The following FBXW8 variants were observed in gnomAD, a reference collection of about 807,000 sequenced individuals.
The protein encoded by FBXW8 is F-box/WD repeat-containing protein 8.
A neutral mutation model predicts 65.3 loss-of-function variants in FBXW8; 57 were observed. The ratio of observed to expected loss-of-function variants is 0.87; its 90% CI spans 0.71 to 1.09. The LOEUF is 1.09. FBXW8 is among the 50% of genes least tolerant of loss of function. FBXW8 has a pLI of 0.00. For missense variants in FBXW8, 777 were observed against 814.8 expected (o/e 0.95, Z 0.57); for synonymous variants, 308 against 330.2 (o/e 0.93, Z 0.73).
chr12:117,008,529 C>T (rs1007861647), intron 7 of FBXW8, among the ~76,000 whole-genome samples: 2 of 152,124 alleles, frequency 1.3e-5, no homozygotes, highest in Admixed American at 1.3e-4. Flanking sequence ...TTGAAATTGT[C>T]CTTCTTCCTT....
chr12:116,995,213 A>C (rs922231387), intron 7 of FBXW8, among the ~76,000 whole-genome samples: 1 of 152,236 alleles, frequency 6.6e-6, no homozygotes, highest in African/African-American at 2.4e-5. Flanking sequence ...TCGGCAGCGT[A>C]CGCGGACATG....
rs1006431435 is a variant in FBXW8 at position 116,936,958 on chromosome 12, C to T, written c.424-8406C>T. Among the ~76,000 whole-genome samples, 9 of 152,038 alleles carry T rather than the reference C, an allele frequency of 5.9e-5. No homozygotes were observed. The highest frequency in any genetic ancestry group is 4.1e-4 in the South Asian group (2 of 4,824). On this transcript the variant is annotated intron_variant, in intron 2 of 10. Transcript: ENST00000652555. This position sits in a 1 kb window ranked among gnomAD's most constrained non-coding sequence, Gnocchi z 4.6. ...CCATTTGGGCTGCTGTGTGGAGAAT[C>T]GGTTGTTGGGGGACAAGGACAGCAG...
At chr12:116,986,257 G>A (rs1885666071) in intron 6 of FBXW8, 1 of 152,132 alleles carries the variant, frequency 6.6e-6, no homozygotes, top group Non-Finnish European at 1.5e-5. Flanking sequence ...TTCACCTCCA[G>A]GAGCGTCTGC....
At chr12:117,000,021 T>C (rs915532584) in intron 7 of FBXW8, among the ~76,000 whole-genome samples, 1 of 145,246 alleles carries the variant, frequency 6.9e-6, no homozygotes, top group African/African-American at 2.5e-5. Context: ...TCTCGCTGTC[T>C]CCCAGGCTGG....
intron 1 of FBXW8, among the ~76,000 whole-genome samples, chr12:116,925,924 C>G (rs1387228646): frequency 1.3e-5 from 2 of 152,144 alleles, no homozygotes; most frequent in Non-Finnish European, 2.9e-5. Context: ...AATCTTTGCT[C>G]TGAACCTCCA....
At chr12:116,949,232 G>T in intron 3 of FBXW8, 1 of 196,164 alleles carries the variant, frequency 5.1e-6, no homozygotes, top group East Asian at 1.2e-4. Flanking sequence ...CTTTCTTTTT[G>T]CTGAACGGAA....
chr12:116,964,936 G>C (rs911334745), intron 5 of FBXW8, 82 bp downstream of exon 5: 14 of 1,419,080 alleles, frequency 9.9e-6, no homozygotes, highest in Non-Finnish European at 1.3e-5. Context: ...GCTCCCCCCT[G>C]TAATCCCTCC....
At chr12:117,013,687 TAA>T (rs1219485229) in intron 8 of FBXW8, among the ~76,000 whole-genome samples, 8 of 152,204 alleles carry the variant, frequency 5.3e-5, no homozygotes, top group Non-Finnish European at 7.3e-5. Context: ...GCAGCATTTT[TAA>T]AAGTTACACA....
At chr12:116,975,078 A>G (rs984984321) in intron 5 of FBXW8, among the ~76,000 whole-genome samples, 8 of 152,348 alleles carry the variant, frequency 5.3e-5, no homozygotes, top group African/African-American at 1.9e-4. Flanking sequence ...ACTTGAATAA[A>G]TAAAGGAGAA....
intron 5 of FBXW8, chr12:116,978,668 C>A (rs1244055036): frequency 6.6e-6 from 1 of 152,142 alleles, no homozygotes; most frequent in African/African-American, 2.4e-5. Flanking sequence ...GAAATAATTT[C>A]TAATCAAGAA....
chr12:116,952,543 G>A (rs116840101), intron 4 of FBXW8, among the ~76,000 whole-genome samples: 1,885 of 152,226 alleles, frequency 0.012, 28 homozygotes, highest in African/African-American at 0.041. Context: ...CTGTAGCCTA[G>A]CGTCCATTCT....
chr12:117,011,850 T>C (rs1297867788), intron 8 of FBXW8, among the ~76,000 whole-genome samples: 2 of 152,172 alleles, frequency 1.3e-5, no homozygotes, highest in Non-Finnish European at 2.9e-5. Context: ...GTTTTCTGCA[T>C]AATTTCAAAA....
At chr12:117,016,968 T>C (rs1953966289) in intron 8 of FBXW8, among the ~76,000 whole-genome samples, 1 of 152,252 alleles carries the variant, frequency 6.6e-6, no homozygotes, top group South Asian at 2.1e-4. Context: ...TTCCGGACTC[T>C]CAGTTCTGTT....
chr12:116,971,613 C>G (rs1027122583), intron 5 of FBXW8, among the ~76,000 whole-genome samples: 1 of 152,136 alleles, frequency 6.6e-6, no homozygotes, highest in South Asian at 2.1e-4. Context: ...TGTGTTATAT[C>G]TGAATAATGG....
rs139290008 is a variant in FBXW8 at position 117,024,939 on chromosome 12, C to T, written c.1541+619C>T. ...AAATATAAATAAATACTATCCTAAGCACAGGCTGATGGCGTCACAGAGGTA... is the reference window on the plus strand; with the variant it reads ...AAATATAAATAAATACTATCCTAAGTACAGGCTGATGGCGTCACAGAGGTA... On this transcript the variant is annotated intron_variant, in intron 9 of 10. Coordinates refer to ENST00000652555, the MANE Select transcript of FBXW8 (RefSeq NM_153348.3). Among the ~76,000 whole-genome samples the T allele has an allele frequency of 1.8e-3, 271 of 152,306 alleles. 1 individual carries two copies. Among genetic ancestry groups the T allele is most frequent in the African/African-American group, 6.3e-3 (263 of 41,550 alleles).
Position 116,951,857 on chromosome 12 carries a change from C to G in FBXW8, c.677+2151C>G, listed in dbSNP as rs149508699. On this transcript the variant is annotated intron_variant, in intron 4 of 10. Coordinates refer to ENST00000652555, the MANE Select transcript of FBXW8 (RefSeq NM_153348.3). Reference sequence around the variant, plus strand: ...CTCGTTGATAAACGCATTTGACACTCAAATACCCATCATGTGAACAGGACC... The same window carrying G: ...CTCGTTGATAAACGCATTTGACACTGAAATACCCATCATGTGAACAGGACC... 1.5e-3 allele frequency among the ~76,000 whole-genome samples: 222 copies of G among 152,302 alleles called. 1 individual carries two copies. The highest frequency in any genetic ancestry group is 5.0e-3 in the African/African-American group (209 of 41,562).
At chr12:117,009,298 G>A (rs1953750194) in intron 7 of FBXW8, among the ~76,000 whole-genome samples, 1 of 152,076 alleles carries the variant, frequency 6.6e-6, no homozygotes, top group Admixed American at 6.5e-5. Context: ...GAGGCTGAGT[G>A]GGAGAATTGG....
chr12:116,998,073 C>G (rs1592940801), intron 7 of FBXW8, among the ~76,000 whole-genome samples: 1 of 152,186 alleles, frequency 6.6e-6, no homozygotes, highest in East Asian at 1.9e-4. Flanking sequence ...CCTTCCTTAG[C>G]CTCCCAAAGT....
chr12:116,930,564 G>A (rs1197540236), intron 2 of FBXW8, among the ~76,000 whole-genome samples: 1 of 151,958 alleles, frequency 6.6e-6, no homozygotes, highest in Non-Finnish European at 1.5e-5. Flanking sequence ...TGAGATATAT[G>A]GTTTGGAAAT....
Sources: gnomAD v4.1 joint callset for allele counts (sites outside exome capture counted in the v4.1 genomes callset) on GRCh38, gnomAD v4.1.1 for gene constraint, Gnocchi (gnomAD v3.1) non-coding constraint, MANE v1.5 for transcripts, NCBI Gene and HGNC (gene_info 2026-07-23, HGNC 2026-07-21) for gene names.